Variants in ZPR1 observed in about 807,000 individuals in gnomAD.
ZPR1 encodes the protein zinc finger protein ZPR1.
Under a neutral mutation model 59.6 loss-of-function variants are expected in ZPR1, and 37 were observed. The ratio of observed to expected loss-of-function variants is 0.62; its 90% CI spans 0.48 to 0.82. The LOEUF (loss-of-function observed/expected upper bound fraction) is 0.82, where lower values mean the gene tolerates loss of function less well. Ranked by LOEUF, ZPR1 falls within the 40% of genes least tolerant of loss-of-function variation. ZPR1 has a pLI of 0.00. For missense variants in ZPR1, 527 were observed against 579.9 expected (o/e 0.91, Z 0.94); for synonymous variants, 191 against 215.2 (o/e 0.89, Z 0.99).
At position 116,774,706 on chromosome 11, in the gene ZPR1, G is replaced by C. The variant is rs549338909; in HGVS notation, c.*4219C>G. 6.6e-6 allele frequency: 1 copy of C among 152,298 alleles called. No homozygotes were observed. The highest frequency in any genetic ancestry group is 2.4e-5 in the African/African-American group (1 of 41,448). The allele number at this position is 152,298 out of a possible 1,614,324, so 9.4% of individuals were successfully genotyped here. The stretch of plus-strand genomic sequence containing the variant: ...TGAGACGAGGACGCTGGGCTGAGAA[G>C]ATAGGGCTTCACTAGGCGGAGGGCC... On this transcript the variant is annotated 3_prime_UTR_variant, in exon 14 of 14. Coordinates refer to ENST00000227322, the MANE Select transcript of ZPR1 (RefSeq NM_003904.5).
intron 2 of ZPR1, 46 bp downstream of exon 2, chr11:116,787,436 A>T (rs886715654): frequency 2.0e-5 from 31 of 1,587,292 alleles, no homozygotes; most frequent in Non-Finnish European, 2.2e-5. Context: ...CCCAGTACCG[A>T]ATCTCTCTCT....
chr11:116,787,548 C>T lies in ZPR1; in HGVS notation c.267G>A (p.Glu89=). Residue 89 remains glutamate, a synonymous_variant, in exon 2 of 14, where the codon GAG becomes GAA. Coordinates refer to ENST00000227322, the MANE Select transcript of ZPR1 (RefSeq NM_003904.5). The stretch of plus-strand genomic sequence containing the variant: ...CCTGGATCCTGCCTGCCGACTGGAT[C>T]TCCGTGTTGTTCCAGCCACAGTGCT... The part of the protein sequence containing the change: ...SCEHCGWNNT[E]IQSAGRIQDQ... 2 of 1,614,226 alleles carry T rather than the reference C, an allele frequency of 1.2e-6. No individual in the cohort carries two copies. Among genetic ancestry groups the T allele is most frequent in the Non-Finnish European group, 1.7e-6 (2 of 1,180,032 alleles).
rs764172369 is a variant in ZPR1, at chr11:116,785,860, T to A, written c.518A>T (p.Glu173Val). The change falls in exon 5 of 14, where the codon GAA becomes GTA. Residue 173 changes from glutamate to valine, a missense_variant. Glu to Val is a moderately radical substitution (Grantham distance 121). Transcript: ENST00000227322. ...ARRANKDATA[E>V]RIDEFIVKLK... ...TTTGACAATGAACTCATCAATTCTT[T>A]CAGCTGTAGCATCTTTGTTTGCCTG... 1 of 1,614,208 alleles carries A rather than the reference T, an allele frequency of 6.2e-7. No homozygotes were observed. The highest frequency in any genetic ancestry group is 8.5e-7 in the Non-Finnish European group (1 of 1,180,038).
intron 8 of ZPR1, among the ~76,000 whole-genome samples, 183 bp downstream of exon 8, chr11:116,784,672 T>G (rs778730282): frequency 6.6e-6 from 1 of 152,206 alleles, no homozygotes; most frequent in Admixed American, 6.5e-5. Context: ...CACAGCCTAG[T>G]GACCATGGCC....
At position 116,785,655 on chromosome 11, in the gene ZPR1, G is replaced by A. The variant is rs776795600; in HGVS notation, c.583-19C>T. 11 of 1,613,858 alleles carry A rather than the reference G, an allele frequency of 6.8e-6. No individual in the cohort carries two copies. The East Asian group carries it at 2.5e-4, about 36-fold the overall frequency. On this transcript the variant is annotated intron_variant, in intron 5 of 13. Coordinates refer to ENST00000227322, the MANE Select transcript of ZPR1 (RefSeq NM_003904.5). ...CAATGATCTAACAAATGGGAGAAGAGAGAGTCACTGCAAAAGAAAATCATA... is the reference window on the plus strand; with the variant it reads ...CAATGATCTAACAAATGGGAGAAGAAAGAGTCACTGCAAAAGAAAATCATA...
intron 1 of ZPR1, 71 bp from the exon 2 acceptor site, chr11:116,787,714 C>A: frequency 6.5e-7 from 1 of 1,549,738 alleles, no homozygotes. Context: ...TATCTCCGGG[C>A]GCTCCTCGGG....
In ZPR1 at chr11:116,787,677, C is replaced by G. The variant is rs202071751; in HGVS notation, c.172-34G>C. ...GTAGAAAGTAGCTAAGGAAAAAAAT[C>G]AATGAAACTCCCTTTCCCCGCCCTA... On this transcript the variant is annotated intron_variant, in intron 1 of 13. Transcript: ENST00000227322. 297 of 1,595,488 alleles carry G rather than the reference C, an allele frequency of 1.9e-4. No homozygotes were observed. In the African/African-American group the frequency reaches 3.7e-3, roughly 20 times the overall value.
At chr11:116,783,712 G>T in intron 9 of ZPR1, 93 bp from the exon 10 acceptor site, 1 of 988,510 alleles carries the variant, frequency 1.0e-6, no homozygotes, top group Non-Finnish European at 1.6e-6. Flanking sequence ...CATCCAATCA[G>T]TTAGGGCCAT....
rs995596176 is a variant in ZPR1 at position 116,778,864 on chromosome 11, A to G, written c.*61T>C. 8 of 1,584,830 alleles carry G rather than the reference A, an allele frequency of 5.0e-6. No individual in the cohort carries two copies. The highest frequency in any genetic ancestry group is 1.3e-5 in the African/African-American group (1 of 74,074). ...CACTCCCAGCCTTCGCCTTCATCCA[A>G]TACTAATAAATAACCTACAGAAAGA... is the stretch of plus-strand genomic sequence containing the variant. On this transcript the variant is annotated 3_prime_UTR_variant, in exon 14 of 14. Coordinates refer to ENST00000227322, the MANE Select transcript of ZPR1 (RefSeq NM_003904.5).
rs751069361 is a variant in ZPR1 at position 116,787,947 on chromosome 11, G to A, written c.44C>T (p.Ala15Val). ...GGCCGGGGCGGGCGACGGGGCGACGGCAGCCCCCGGGGGCCCTGGTTCCAC... is the reference window on the plus strand; with the variant it reads ...GGCCGGGGCGGGCGACGGGGCGACGACAGCCCCCGGGGGCCCTGGTTCCAC... ...GAVEPGPPGA[A>V]VAPSPAPAPP... The change falls in exon 1 of 14, where the codon GCC becomes GTC. Residue 15 changes from alanine (A) to valine (V), a missense_variant. Coordinates refer to ENST00000227322, the MANE Select transcript of ZPR1 (RefSeq NM_003904.5). 78 of 1,465,354 alleles carry A rather than the reference G, an allele frequency of 5.3e-5. No individual in the cohort carries two copies. The highest frequency in any genetic ancestry group is 6.6e-5 in the Non-Finnish European group (74 of 1,117,056). The allele number at this position is 1,465,354 out of a possible 1,614,324, so 90.8% of individuals were successfully genotyped here.
intron 12 of ZPR1, among the ~76,000 whole-genome samples, chr11:116,780,108 G>A (rs960548952): frequency 4.0e-5 from 6 of 150,734 alleles, no homozygotes; most frequent in Admixed American, 6.6e-5. Context: ...TTTAAAAAAA[G>A]AGGCTATGCC....
intron 13 of ZPR1, 26 bp from the exon 14 acceptor site, chr11:116,779,085 G>T: frequency 4.3e-6 from 7 of 1,611,240 alleles, no homozygotes; most frequent in Non-Finnish European, 5.9e-6. Context: ...GAGACAATCA[G>T]TGCCGCTGTG....
chr11:116,781,292 C>G (rs1387745014), intron 12 of ZPR1, among the ~76,000 whole-genome samples: 2 of 152,072 alleles, frequency 1.3e-5, no homozygotes, highest in East Asian at 1.9e-4. Context: ...CATGAGTTTT[C>G]CAGACTGAAA....
At chr11:116,781,529 A>T (rs1387472393) in intron 12 of ZPR1, among the ~76,000 whole-genome samples, 1 of 152,226 alleles carries the variant, frequency 6.6e-6, no homozygotes, top group Non-Finnish European at 1.5e-5. Context: ...TTCTGATAAA[A>T]AATTATTTCT....
In ZPR1 at chr11:116,780,470, T is replaced by C. The variant is rs547101231; in HGVS notation, c.1180-633A>G. Among the ~76,000 whole-genome samples the C allele has an allele frequency of 6.1e-3, 912 of 148,812 alleles. 3 individuals are homozygous for C. The highest frequency in any genetic ancestry group is 0.01 in the Non-Finnish European group (681 of 67,388). On this transcript the variant is annotated intron_variant, in intron 12 of 13. Coordinates refer to ENST00000227322, the MANE Select transcript of ZPR1 (RefSeq NM_003904.5). ...TCCTTGTTCTTGAGTCCTTTCCCTC[T>C]ACCTTCAACTGGGCCAGCACCCCCT...
rs940831552 is a variant in ZPR1 at position 116,787,955 on chromosome 11, C to G, written c.36G>C (p.Pro12=). Residue 12 remains proline, a synonymous_variant, in exon 1 of 14, where the codon CCG becomes CCC. Transcript: ENST00000227322. ...CGGGCGACGGGGCGACGGCAGCCCCCGGGGGCCCTGGTTCCACAGCCCCGC... is the reference window on the plus strand; with the variant it reads ...CGGGCGACGGGGCGACGGCAGCCCCGGGGGGCCCTGGTTCCACAGCCCCGC... The part of the protein sequence containing the change: ...AASGAVEPGP[P]GAAVAPSPAP... 1 of 1,456,950 alleles carries G rather than the reference C, an allele frequency of 6.9e-7. No homozygotes were observed. Among genetic ancestry groups the G allele is most frequent in the Non-Finnish European group, 9.0e-7 (1 of 1,114,700 alleles). 90.3% of individuals were successfully genotyped at this position (1,456,950 alleles called of 1,614,324 possible).
At chr11:116,787,123 C>T in intron 2 of ZPR1, 64 bp from the exon 3 acceptor site, 1 of 1,401,744 alleles carries the variant, frequency 7.1e-7, no homozygotes. Flanking sequence ...CAAGTAATAA[C>T]CAGACCGTCC....
At chr11:116,785,265 T>C in intron 6 of ZPR1, 119 bp from the exon 7 acceptor site, 1 of 1,221,828 alleles carries the variant, frequency 8.2e-7, no homozygotes, top group African/African-American at 1.5e-5. Context: ...AGGTGCCACC[T>C]CATCAGTTAG....
At chr11:116,781,668 T>C (rs892723967) in intron 12 of ZPR1, among the ~76,000 whole-genome samples, 2 of 152,152 alleles carry the variant, frequency 1.3e-5, no homozygotes, top group Non-Finnish European at 2.9e-5. Context: ...CTGGAGAAGA[T>C]GCTCTAACAA....
Sources: gnomAD v4.1 joint callset for allele counts (sites outside exome capture counted in the v4.1 genomes callset) on GRCh38, gnomAD v4.1.1 for gene constraint, MANE v1.5 for transcripts, NCBI Gene and HGNC (gene_info 2026-07-23, HGNC 2026-07-21) for gene names.